ZNF660: variants seen among roughly 807,000 people sequenced by gnomAD.
The protein encoded by ZNF660 is zinc finger protein 660.
Under a neutral mutation model 23.2 loss-of-function variants are expected in ZNF660, and 24 were observed. That is an observed-to-expected ratio of 1.04 (90% CI 0.75 to 1.46). The LOEUF (loss-of-function observed/expected upper bound fraction) is 1.46. ZNF660 is among the 40% of genes most tolerant of loss of function. The pLI is 0.00. For missense variants in ZNF660, 373 were observed against 396.8 expected, an observed-to-expected ratio of 0.94 and a Z score of 0.51; for synonymous variants, 117 against 131.4, an observed-to-expected ratio of 0.89 and a Z score of 0.75.
At chr3:44,587,214 A>G (rs1420882978) in intron 2 of ZNF660, 1 of 152,204 alleles carries the variant, frequency 6.6e-6, no homozygotes, top group African/African-American at 2.4e-5. Flanking sequence ...TTGAACAGGC[A>G]GATGATGCTG....
chr3:44,591,283 C>T (rs186260669), intron 2 of ZNF660, among the ~76,000 whole-genome samples: 1 of 152,162 alleles, frequency 6.6e-6, no homozygotes, highest in Non-Finnish European at 1.5e-5. Context: ...TGCACACCAC[C>T]ATGCCTAGCT....
In ZNF660 at chr3:44,595,178, GA is replaced by G; in HGVS notation, c.988del (p.Thr330ProfsTer4). 4.5e-6 allele frequency: 7 copies of G among 1,566,604 alleles called. No homozygotes were observed. Among genetic ancestry groups the G allele is most frequent in the Non-Finnish European group, 6.0e-6 (7 of 1,159,444 alleles). ...CCAGAGGAAACATAATGAGGAGAAAGAAACCTCATAAATAACAAATATTGTG... is the reference window on the plus strand; with the variant it reads ...CCAGAGGAAACATAATGAGGAGAAAGAACCTCATAAATAACAAATATTGTG... ...QHQRKHNEEK[E>X]TS On this transcript the variant is annotated frameshift_variant, in exon 3 of 3. Coordinates refer to ENST00000322734, the MANE Select transcript of ZNF660 (RefSeq NM_173658.4). LOFTEE classifies it high-confidence loss of function.
Position 44,597,065 on chromosome 3 carries a change from A to G in ZNF660, c.*1876A>G, listed in dbSNP as rs1375014634. 6.6e-6 allele frequency: 1 copy of G among 152,166 alleles called. No homozygotes were observed. The highest frequency in any genetic ancestry group is 1.9e-4 in the East Asian group (1 of 5,186). 9.4% of individuals were successfully genotyped at this position (152,166 alleles called of 1,614,324 possible). ...TAGTGTTTGGGGAATTTTTGATAAT[A>G]TGTTATTTAGTTCTCCCTCTATTAT... is the stretch of plus-strand genomic sequence containing the variant. On this transcript the variant is annotated 3_prime_UTR_variant, in exon 3 of 3. Transcript: ENST00000322734. This position sits in a 1 kb window ranked among gnomAD's most constrained non-coding sequence, Gnocchi z 4.1.
chr3:44,587,945 C>T (rs1440895528), intron 2 of ZNF660, among the ~76,000 whole-genome samples: 1 of 152,146 alleles, frequency 6.6e-6, no homozygotes, highest in African/African-American at 2.4e-5. Flanking sequence ...ATCCCAGCTA[C>T]TCGGGAGGCT....
In ZNF660 at chr3:44,594,694, T is replaced by G. The variant is rs202004772; in HGVS notation, c.501T>G (p.Cys167Trp). The G allele has an allele frequency of 1.2e-6, 2 of 1,614,056 alleles. No homozygotes were observed. Among genetic ancestry groups the G allele is most frequent in the African/African-American group, 1.3e-5 (1 of 74,920 alleles). Reference sequence around the variant, plus strand: ...AGAAGCCCTATTCTTGTATTGAGTGTGGGAAAGCCTTTAGCCGTAGTTCAA... The same window carrying G: ...AGAAGCCCTATTCTTGTATTGAGTGGGGGAAAGCCTTTAGCCGTAGTTCAA... ...TGEKPYSCIE[C>W]GKAFSRSSNL... Residue 167 changes from cysteine (C) to tryptophan (W), a missense_variant, in exon 3 of 3, where the codon TGT becomes TGG. Coordinates refer to ENST00000322734, the MANE Select transcript of ZNF660 (RefSeq NM_173658.4).
In ZNF660 at chr3:44,595,250, A is replaced by G. The variant is rs1480085845; in HGVS notation, c.*61A>G. 1 of 1,476,840 alleles carries G rather than the reference A, an allele frequency of 6.8e-7. No individual in the cohort carries two copies. The highest frequency in any genetic ancestry group is 9.0e-7 in the Non-Finnish European group (1 of 1,106,350). 91.5% of individuals were successfully genotyped at this position (1,476,840 alleles called of 1,614,324 possible). ...CTTTTCTAAAAAGTAGTTCTTTAGT[A>G]TCAACTTTAATTCTACTTCTAAGAA... On this transcript the variant is annotated 3_prime_UTR_variant, in exon 3 of 3. Coordinates refer to ENST00000322734, the MANE Select transcript of ZNF660 (RefSeq NM_173658.4).
At position 44,598,901 on chromosome 3, in the gene ZNF660, A is replaced by C. The variant is rs1700709743; in HGVS notation, c.*3712A>C. On this transcript the variant is annotated 3_prime_UTR_variant, in exon 3 of 3. Coordinates refer to ENST00000322734, the MANE Select transcript of ZNF660 (RefSeq NM_173658.4). ...GTAGTCCTAGGTACTCAGGAGGCTG[A>C]GGGGGGAGGATCACTTGAGCCCAGG... The C allele has an allele frequency of 6.6e-6, 1 of 152,234 alleles. No individual in the cohort carries two copies. The highest frequency in any genetic ancestry group is 2.4e-5 in the African/African-American group (1 of 41,434). 9.4% of individuals were successfully genotyped at this position (152,234 alleles called of 1,614,324 possible).
rs1700677661 is a variant in ZNF660 at position 44,598,136 on chromosome 3, TCTTTTC to T, written c.*2948_*2953del. 9.6e-6 allele frequency: 1 copy of T among 103,830 alleles called. No individual in the cohort carries two copies. The highest frequency in any genetic ancestry group is 2.0e-5 in the Non-Finnish European group (1 of 50,638). 6.4% of individuals were successfully genotyped at this position (103,830 alleles called of 1,614,324 possible). On this transcript the variant is annotated 3_prime_UTR_variant, in exon 3 of 3. Transcript: ENST00000322734. ...TGCTTTCTTTTTCTTTCTTTTCTTT[TCTTTTC>T]TTTTTTTTTTTTTTTTGAGATGGAA...
rs781358273 is a variant in ZNF660 at position 44,594,964 on chromosome 3, T to G, written c.771T>G (p.Ser257=). 1.2e-6 allele frequency: 2 copies of G among 1,614,070 alleles called. No homozygotes were observed. The highest frequency in any genetic ancestry group is 1.7e-5 in the Admixed American group (1 of 60,022). Residue 257 remains serine, a synonymous_variant, in exon 3 of 3, where the codon TCT becomes TCG. Coordinates refer to ENST00000322734, the MANE Select transcript of ZNF660 (RefSeq NM_173658.4). ...ATGAGTGTGGGAAGGCTTTTACTTC[T>G]AATCGAAACCTTGTTGATCATCAGA... ...KCNECGKAFT[S]NRNLVDHQRV... is the part of the protein sequence containing the mutation.
intron 1 of ZNF660, among the ~76,000 whole-genome samples, chr3:44,585,660 C>A (rs1700206012): frequency 6.6e-6 from 1 of 152,150 alleles, no homozygotes; most frequent in African/African-American, 2.4e-5. Context: ...CATTCTTTTT[C>A]TAGTGCTCTT....
rs1700558098 is a variant in ZNF660, at chr3:44,594,839, A to T, written c.646A>T (p.Lys216Ter). 6.2e-7 allele frequency: 1 copy of T among 1,614,084 alleles called. No homozygotes were observed. The highest frequency in any genetic ancestry group is 1.7e-5 in the Admixed American group (1 of 60,006). Residue 216 changes from lysine (K) to a stop codon, truncating the protein, a stop_gained, in exon 3 of 3, where the codon AAG (lysine) becomes TAG (stop). Coordinates refer to ENST00000322734, the MANE Select transcript of ZNF660 (RefSeq NM_173658.4). LOFTEE classifies it high-confidence loss of function. ...CCATCAGAGAATTCACACTGGAGAG[A>T]AGCCTTATGAATGTGATGAGTGTGG... ...MDHQRIHTGEKPYECDECGKT... is the reference protein window; with the variant it reads ...MDHQRIHTGE
chr3:44,588,131 A>T (rs1021510728), intron 2 of ZNF660, among the ~76,000 whole-genome samples: 2 of 152,206 alleles, frequency 1.3e-5, no homozygotes, highest in African/African-American at 4.8e-5. Flanking sequence ...AAATTGACTC[A>T]CTGTTCTGCA....
At position 44,596,240 on chromosome 3, in the gene ZNF660, C is replaced by T. The variant is rs965252736; in HGVS notation, c.*1051C>T. On this transcript the variant is annotated 3_prime_UTR_variant, in exon 3 of 3. Transcript: ENST00000322734. ...TAACCCCAGTTCTACCATGAACTAG[C>T]TTGTCAGTTTTGGACAAGTCACTTA... The T allele has an allele frequency of 3.9e-5, 6 of 152,438 alleles. No homozygotes were observed. Among genetic ancestry groups the T allele is most frequent in the Non-Finnish European group, 5.9e-5 (4 of 68,036 alleles). 9.4% of individuals were successfully genotyped at this position (152,438 alleles called of 1,614,324 possible). A position where few individuals can be genotyped will look rare whatever the true frequency, so the allele number is the denominator to read the frequency against.
intron 2 of ZNF660, among the ~76,000 whole-genome samples, chr3:44,592,844 G>A (rs1041141471): frequency 6.6e-6 from 1 of 152,132 alleles, no homozygotes; most frequent in African/African-American, 2.4e-5. Flanking sequence ...ACGAGGTCAG[G>A]AGATCGAGAC....
At chr3:44,589,261 T>C (rs542465240) in intron 2 of ZNF660, among the ~76,000 whole-genome samples, 6 of 152,220 alleles carry the variant, frequency 3.9e-5, no homozygotes, top group Non-Finnish European at 4.4e-5. Context: ...CTAATTTCAC[T>C]TTTGGGTAGG....
At position 44,595,163 on chromosome 3, in the gene ZNF660, C is replaced by T. The variant is rs1700571833; in HGVS notation, c.970C>T (p.His324Tyr). 1 of 1,579,600 alleles carries T rather than the reference C, an allele frequency of 6.3e-7. No individual in the cohort carries two copies. The highest frequency in any genetic ancestry group is 8.6e-7 in the Non-Finnish European group (1 of 1,164,930). Residue 324 changes from histidine to tyrosine, a missense_variant, in exon 3 of 3, where the codon CAT (histidine) becomes TAT (tyrosine). His to Tyr is a moderately conservative substitution (Grantham distance 83). Transcript: ENST00000322734. ...SSQLIQHQRK[H>Y]NEEKETS is the part of the protein sequence containing the mutation. ...ACAGCTTATTCAACACCAGAGGAAA[C>T]ATAATGAGGAGAAAGAAACCTCATA...
intron 2 of ZNF660, among the ~76,000 whole-genome samples, chr3:44,588,691 A>G (rs1700314380): frequency 1.3e-5 from 2 of 151,992 alleles, no homozygotes; most frequent in African/African-American, 4.8e-5. Context: ...CAGGCTGATC[A>G]AACACCTGGG....
At chr3:44,592,990 T>C (rs1037631658) in intron 2 of ZNF660, among the ~76,000 whole-genome samples, 11 of 151,830 alleles carry the variant, frequency 7.2e-5, no homozygotes, top group African/African-American at 2.7e-4. Context: ...GAGGCGGAGC[T>C]TGCAGTGAGC....
rs982035459 is a variant in ZNF660 at position 44,598,697 on chromosome 3, T to C, written c.*3508T>C. 2 of 152,186 alleles carry C rather than the reference T, an allele frequency of 1.3e-5. No individual in the cohort carries two copies. The highest frequency in any genetic ancestry group is 4.8e-5 in the African/African-American group (2 of 41,448). 9.4% of individuals were successfully genotyped at this position (152,186 alleles called of 1,614,324 possible). On this transcript the variant is annotated 3_prime_UTR_variant, in exon 3 of 3. Coordinates refer to ENST00000322734, the MANE Select transcript of ZNF660 (RefSeq NM_173658.4). ...TGGTCAGGCTGGTCTTGAATGAATG[T>C]GTTTTCTTCACATTCTTGTTCCAAT...
Sources: allele counts gnomAD v4.1 joint callset (sites outside exome capture counted in the v4.1 genomes callset), GRCh38; gene constraint gnomAD v4.1.1; non-coding constraint Gnocchi (gnomAD v3.1); transcripts MANE v1.5; gene names NCBI Gene and HGNC (gene_info 2026-07-23, HGNC 2026-07-21).